The following SHROOM2 variants were observed in gnomAD, a reference collection of about 807,000 sequenced individuals.
SHROOM2 encodes shroom family member 2.
Under a neutral mutation model 75.9 loss-of-function variants are expected in SHROOM2, and 33 were observed. That is an observed-to-expected ratio of 0.43 (90% CI 0.33 to 0.58). The LOEUF (loss-of-function observed/expected upper bound fraction) is 0.58, where lower values mean the gene tolerates loss of function less well. SHROOM2 is among the 20% of genes least tolerant of loss of function. The pLI is 0.04. For synonymous variants in SHROOM2, 655 were observed against 663.6 expected, an observed-to-expected ratio of 0.99 and a Z score of 0.20; for missense variants, 1,434 against 1,461.2, an observed-to-expected ratio of 0.98 and a Z score of 0.30.
chrX:9,858,421 G>A (rs1164774020), intron 1 of SHROOM2, among the ~76,000 whole-genome samples: 1 of 112,406 alleles, frequency 8.9e-6, no homozygotes, highest in African/African-American at 3.2e-5. Flanking sequence ...CTTTCAGATC[G>A]CCTTTTCACT....
chrX:9,902,681 G>A (rs1460053345), intron 5 of SHROOM2, among the ~76,000 whole-genome samples: 1 of 112,230 alleles, frequency 8.9e-6, no homozygotes, highest in Non-Finnish European at 1.9e-5. Context: ...AGACCTTGTA[G>A]GAAAGTTTAG....
intron 5 of SHROOM2, among the ~76,000 whole-genome samples, chrX:9,926,183 G>A (rs908561071): frequency 8.9e-6 from 1 of 111,906 alleles, no homozygotes; most frequent in Non-Finnish European, 1.9e-5. Flanking sequence ...TACAGGAGAG[G>A]CAGCTTTCTG....
chrX:9,818,174 C>T, intron 1 of SHROOM2: 1 of 156,327 alleles, frequency 6.4e-6, no homozygotes, highest in Non-Finnish European at 1.3e-5. Flanking sequence ...ACATGTTGTG[C>T]TGGCTGGTAA....
rs1229924914 is a variant in SHROOM2, at chrX:9,846,184, A to C, written c.166-27468A>C. ...GCCCAGGCTGGAGTACAGTGGTGCCATCAGGGCTCACCGTAGCCTCAAACT... is the reference window on the plus strand; with the variant it reads ...GCCCAGGCTGGAGTACAGTGGTGCCCTCAGGGCTCACCGTAGCCTCAAACT... On this transcript the variant is annotated intron_variant, in intron 1 of 9. Transcript: ENST00000380913. Among the ~76,000 whole-genome samples, 3 of 109,872 alleles carry C rather than the reference A, an allele frequency of 2.7e-5. No individual in the cohort carries two copies. In the Admixed American group the frequency reaches 3.0e-4, roughly 11 times the overall value.
Position 9,914,801 on chromosome X carries a change from G to A in SHROOM2, c.2891+16511G>A, listed in dbSNP as rs143259443. Among the ~76,000 whole-genome samples, 52 of 112,192 alleles carry A rather than the reference G, an allele frequency of 4.6e-4. No individual in the cohort carries two copies. The East Asian group carries it at 5.3e-3, about 11-fold the overall frequency. ...CACAACCAGTTAGTGAAGAGCCCTC[G>A]TGGGGCAGCATGGCTGATTTTCAGT... On this transcript the variant is annotated intron_variant, in intron 5 of 9. Coordinates refer to ENST00000380913, the MANE Select transcript of SHROOM2 (RefSeq NM_001649.4).
intron 1 of SHROOM2, among the ~76,000 whole-genome samples, chrX:9,792,089 TAGAA>T (rs2083660613): frequency 7.0e-5 from 1 of 14,190 alleles, no homozygotes; most frequent in African/African-American, 2.0e-4. Flanking sequence ...TAGAATAGAA[TAGAA>T]TAGAATAGAA....
rs200542562 is a variant in SHROOM2, at chrX:9,896,404, G to C, written c.2496G>C (p.Ala832=). The change falls in exon 4 of 10, where the codon GCG becomes GCC. Residue 832 remains alanine (A), a synonymous_variant. Transcript: ENST00000380913. ...PRDKPERPRT[A]GRTCEGTEPW... ...ACAAGCCAGAGAGGCCGCGGACAGCGGGCCGCACATGTGAGGGCACGGAGC... is the reference window on the plus strand; with the variant it reads ...ACAAGCCAGAGAGGCCGCGGACAGCCGGCCGCACATGTGAGGGCACGGAGC... 2.5e-6 allele frequency: 3 copies of C among 1,211,279 alleles called. No individual in the cohort carries two copies. The highest frequency in any genetic ancestry group is 3.5e-5 in the African/African-American group (2 of 57,711).
chrX:9,902,953 A>G (rs2084372477), intron 5 of SHROOM2, among the ~76,000 whole-genome samples: 1 of 112,052 alleles, frequency 8.9e-6, no homozygotes, highest in Admixed American at 9.5e-5. Flanking sequence ...GCAAAGAAAG[A>G]GAGTATATCC....
intron 7 of SHROOM2, 110 bp from the exon 8 acceptor site, chrX:9,939,085 G>A (rs190972477): frequency 1.6e-6 from 1 of 607,476 alleles, no homozygotes; most frequent in East Asian, 3.9e-5. Flanking sequence ...TCCCTGGCTG[G>A]TGTCCTTTCG....
At chrX:9,835,371 G>T (rs1001241611) in intron 1 of SHROOM2, among the ~76,000 whole-genome samples, 4 of 112,308 alleles carry the variant, frequency 3.6e-5, no homozygotes, top group Non-Finnish European at 7.5e-5. Context: ...GAGCCTTGCT[G>T]TTCTAAGGAA....
chrX:9,875,110 A>AAG (rs2084192753), intron 2 of SHROOM2, among the ~76,000 whole-genome samples: 2 of 93,116 alleles, frequency 2.1e-5, no homozygotes, highest in African/African-American at 4.1e-5. Context: ...AAAAAAAAAA[A>AAG]GGGGAGGAAG....
intron 1 of SHROOM2, among the ~76,000 whole-genome samples, chrX:9,810,159 A>G (rs1199328796): frequency 1.8e-5 from 2 of 111,783 alleles, no homozygotes; most frequent in East Asian, 5.6e-4. Flanking sequence ...GGTACTGATG[A>G]CTACCCTCTT....
At chrX:9,880,284 A>C (rs1485866671) in intron 2 of SHROOM2, among the ~76,000 whole-genome samples, 1 of 112,756 alleles carries the variant, frequency 8.9e-6, no homozygotes, top group African/African-American at 3.2e-5. Flanking sequence ...TCGCCCTTGC[A>C]GTCACCCCTA....
Position 9,895,658 on chromosome X carries a change from A to G in SHROOM2, c.1750A>G (p.Thr584Ala), listed in dbSNP as rs1432883634. 5 of 1,169,762 alleles carry G rather than the reference A, an allele frequency of 4.3e-6. No individual in the cohort carries two copies. Among genetic ancestry groups the G allele is most frequent in the Non-Finnish European group, 5.7e-6 (5 of 878,085 alleles). Residue 584 changes from threonine (T) to alanine (A), a missense_variant, in exon 4 of 10, where the codon ACG becomes GCG. By Grantham distance (58) the Thr-to-Ala change is moderately conservative (BLOSUM62 0). Transcript: ENST00000380913. Reference sequence around the variant, plus strand: ...GAGCAGCAGGATCTGCCCGCAGGAGACGCCCCTGTTGCACTCCCTGACCCA... The same window carrying G: ...GAGCAGCAGGATCTGCCCGCAGGAGGCGCCCCTGTTGCACTCCCTGACCCA... ...GESSRICPQE[T>A]PLLHSLTQEG...
At chrX:9,832,758 G>C (rs2083923144) in intron 1 of SHROOM2, among the ~76,000 whole-genome samples, 1 of 94,473 alleles carries the variant, frequency 1.1e-5, no homozygotes, top group South Asian at 6.3e-4. Context: ...TGGGGGGCGG[G>C]TGCACCTCAC....
At chrX:9,922,612 C>T (rs1341840370) in intron 5 of SHROOM2, among the ~76,000 whole-genome samples, 1 of 111,198 alleles carries the variant, frequency 9.0e-6, no homozygotes, top group Non-Finnish European at 1.9e-5. Context: ...AAATTACTGG[C>T]TAGTGTTCCC....
At chrX:9,827,650 G>A (rs2083895096) in intron 1 of SHROOM2, among the ~76,000 whole-genome samples, 1 of 109,168 alleles carries the variant, frequency 9.2e-6, no homozygotes, top group Non-Finnish European at 1.9e-5. Context: ...GGATTTTCAA[G>A]CAGAAGGAGC....
At chrX:9,944,544 C>A in intron 8 of SHROOM2, 97 bp from the exon 9 acceptor site, 1 of 910,163 alleles carries the variant, frequency 1.1e-6, no homozygotes, top group Non-Finnish European at 1.5e-6. Context: ...CTGCACCTTT[C>A]ACGTAGGTGC....
intron 5 of SHROOM2, among the ~76,000 whole-genome samples, chrX:9,899,071 C>A (rs1440971598): frequency 9.2e-6 from 1 of 108,537 alleles, no homozygotes; most frequent in Admixed American, 9.9e-5. Flanking sequence ...TGGTGAGATC[C>A]CATCTCTACT....
Sources: allele counts gnomAD v4.1 joint callset (sites outside exome capture counted in the v4.1 genomes callset), GRCh38; gene constraint gnomAD v4.1.1; transcripts MANE v1.5; gene names NCBI Gene and HGNC (gene_info 2026-07-23, HGNC 2026-07-21).